Variants in XIAP observed in about 807,000 individuals in gnomAD.
The protein encoded by XIAP is X-linked inhibitor of apoptosis, also known as E3 ubiquitin-protein ligase XIAP.
XIAP carries 3 observed loss-of-function variants against 33.1 expected under a neutral mutation model. The ratio of observed to expected loss-of-function variants is 0.09; its 90% CI spans 0.04 to 0.23. The LOEUF is 0.23. Ranked by LOEUF, XIAP falls within the 10% of genes least tolerant of loss-of-function variation. XIAP has a pLI of 1.00. For synonymous variants in XIAP, 98 were observed against 121.3 expected (o/e 0.81, Z 1.26); for missense variants, 264 against 363.0 (o/e 0.73, Z 2.22).
chrX:123,867,097 T>G (rs1399510155), intron 1 of XIAP, among the ~76,000 whole-genome samples: 1 of 81,030 alleles, frequency 1.2e-5, no homozygotes, highest in Non-Finnish European at 2.2e-5. Context: ...TGAGACGGAG[T>G]CTCGCTCTGT....
intron 5 of XIAP, among the ~76,000 whole-genome samples, chrX:123,893,070 T>G (rs1451295942): frequency 9.2e-6 from 1 of 108,866 alleles, no homozygotes; most frequent in Non-Finnish European, 1.9e-5. Flanking sequence ...TGCGCCCGCC[T>G]CGGCCTTCCA....
At chrX:123,877,943 C>T (rs2053262017) in intron 1 of XIAP, among the ~76,000 whole-genome samples, 1 of 106,618 alleles carries the variant, frequency 9.4e-6, no homozygotes, top group African/African-American at 3.4e-5. Flanking sequence ...CACTGCACTC[C>T]AGCCTGGGAG....
At chrX:123,868,775 T>C (rs1333590882) in intron 1 of XIAP, among the ~76,000 whole-genome samples, 1 of 111,770 alleles carries the variant, frequency 8.9e-6, no homozygotes, top group Non-Finnish European at 1.9e-5. Context: ...ATGGATTATA[T>C]ATTTTATCTG....
chrX:123,871,279 G>GA (rs10713095), intron 1 of XIAP, among the ~76,000 whole-genome samples: 1 of 105,531 alleles, frequency 9.5e-6, no homozygotes, highest in African/African-American at 3.5e-5. Flanking sequence ...ATCTCTTAAA[G>GA]AAAAAAAAAA....
Position 123,885,947 on chromosome X carries a change from C to G in XIAP, c.285C>G (p.Gly95=), listed in dbSNP as rs1435284179. The change falls in exon 2 of 7, where the codon GGC becomes GGG. Residue 95 remains glycine, a synonymous_variant. Coordinates refer to ENST00000371199, the MANE Select transcript of XIAP (RefSeq NM_001167.4). ...CCCCAAATTGCAGATTTATCAACGG[C>G]TTTTATCTTGAAAATAGTGCCACGC... ...KVSPNCRFIN[G]FYLENSATQS... 1 of 1,211,692 alleles carries G rather than the reference C, an allele frequency of 8.3e-7. No homozygotes were observed. The highest frequency in any genetic ancestry group is 1.8e-5 in the South Asian group (1 of 57,026).
chrX:123,897,397 A>G (rs1464287917), intron 5 of XIAP, among the ~76,000 whole-genome samples: 1 of 111,264 alleles, frequency 9.0e-6, no homozygotes. Flanking sequence ...CTGGTCTTTG[A>G]TCCATTTTGA....
chrX:123,906,661 G>A (rs765637885), intron 6 of XIAP, among the ~76,000 whole-genome samples: 3 of 111,929 alleles, frequency 2.7e-5, no homozygotes, highest in African/African-American at 9.7e-5. Flanking sequence ...CTCCTCCCCC[G>A]ATCCAGCCAC....
chrX:123,870,169 C>T (rs772787338), intron 1 of XIAP, among the ~76,000 whole-genome samples: 3 of 112,629 alleles, frequency 2.7e-5, no homozygotes, highest in South Asian at 3.6e-4. Flanking sequence ...GCCATTTTGG[C>T]GAGGCTGGTC....
At chrX:123,861,693 A>G (rs141681869) in intron 1 of XIAP, among the ~76,000 whole-genome samples, 1,683 of 110,686 alleles carry the variant, frequency 0.015, 29 homozygotes, top group African/African-American at 0.052. Flanking sequence ...TTCCCACACA[A>G]ATATATATAT....
chrX:123,866,458 A>T (rs1333847509), intron 1 of XIAP, among the ~76,000 whole-genome samples: 4 of 97,454 alleles, frequency 4.1e-5, no homozygotes, highest in Non-Finnish European at 6.0e-5. Context: ...TATATATGAT[A>T]TAAATTATAT....
chrX:123,865,720 A>T (rs112564438), intron 1 of XIAP, among the ~76,000 whole-genome samples: 42,552 of 109,468 alleles, frequency 0.39, 6,243 homozygotes, highest in African/African-American at 0.49. Context: ...CGAGACTCCG[A>T]CTCAAAAAAA....
intron 5 of XIAP, among the ~76,000 whole-genome samples, chrX:123,899,144 A>AAAAATATAT (rs1186271285): frequency 2.0e-5 from 1 of 50,184 alleles, no homozygotes; most frequent in Non-Finnish European, 3.5e-5. Context: ...AAAAAAAAAA[A>AAAAATATAT]ATATATATAT....
rs766007765 is a variant in XIAP at position 123,898,507 on chromosome X, C to T, written c.1100-1986C>T. Reference sequence around the variant, plus strand: ...CCTCCTGAGTAGCCGGGACTACAGGCGCCCACCACTATGCCCGGGTAATTT... The same window carrying T: ...CCTCCTGAGTAGCCGGGACTACAGGTGCCCACCACTATGCCCGGGTAATTT... On this transcript the variant is annotated intron_variant, in intron 5 of 6. Transcript: ENST00000371199. Among the ~76,000 whole-genome samples, 11 of 110,568 alleles carry T rather than the reference C, an allele frequency of 9.9e-5. No individual in the cohort carries two copies. In the South Asian group the frequency reaches 1.2e-3, roughly 12 times the overall value.
At chrX:123,883,754 C>A (rs1276487545) in intron 1 of XIAP, among the ~76,000 whole-genome samples, 1 of 111,069 alleles carries the variant, frequency 9.0e-6, no homozygotes, top group African/African-American at 3.3e-5. Flanking sequence ...CCTCGGCCTC[C>A]CAAAGTGCTG....
At chrX:123,866,944 A>T (rs2053144580) in intron 1 of XIAP, among the ~76,000 whole-genome samples, 1 of 101,825 alleles carries the variant, frequency 9.8e-6, no homozygotes, top group South Asian at 4.3e-4. Flanking sequence ...GATTCCAGGC[A>T]TGAACCACCG....
intron 1 of XIAP, among the ~76,000 whole-genome samples, chrX:123,877,767 G>A (rs976763858): frequency 1.0e-4 from 11 of 110,423 alleles, no homozygotes; most frequent in Non-Finnish European, 1.7e-4. Context: ...AGGTCAGGAG[G>A]TCGAGACCAT....
chrX:123,899,571 A>G (rs1268454065), intron 5 of XIAP, among the ~76,000 whole-genome samples: 1 of 109,082 alleles, frequency 9.2e-6, no homozygotes, highest in African/African-American at 3.3e-5. Context: ...ATTACCATAG[A>G]TTAATTTTGT....
At chrX:123,876,589 C>T (rs1050004618) in intron 1 of XIAP, among the ~76,000 whole-genome samples, 26 of 110,683 alleles carry the variant, frequency 2.3e-4, no homozygotes, top group African/African-American at 7.6e-4. Context: ...GCTATAGTCC[C>T]AGCTACTCAG....
Position 123,912,216 on chromosome X carries a change from G to GAAAAAAAAAAAAAAACAAAAAA in XIAP, c.*5047_*5048insAAACAAAAAAAAAAAAAAAAAA. ...ACCAAGGAGGAATTGAAAACACTGA[G>GAAAAAAAAAAAAAAACAAAAAA]AAAAAAAAAAAAGACCACACAATAA... On this transcript the variant is annotated 3_prime_UTR_variant, in exon 7 of 7. Coordinates refer to ENST00000371199, the MANE Select transcript of XIAP (RefSeq NM_001167.4). The GAAAAAAAAAAAAAAACAAAAAA allele has an allele frequency of 4.8e-6, 1 of 207,691 alleles. No individual in the cohort carries two copies. The highest frequency in any genetic ancestry group is 1.4e-4 in the East Asian group (1 of 7,393). The allele number at this position is 207,691 out of a possible 1,213,427, so 17.1% of individuals were successfully genotyped here.
Sources: allele counts gnomAD v4.1 joint callset (sites outside exome capture counted in the v4.1 genomes callset), GRCh38; gene constraint gnomAD v4.1.1; transcripts MANE v1.5; gene names NCBI Gene and HGNC (gene_info 2026-07-23, HGNC 2026-07-21).